ANKRD42: variants seen among roughly 807,000 people sequenced by gnomAD.
The protein encoded by ANKRD42 is ankyrin repeat domain-containing protein 42.
ANKRD42 carries 43 observed loss-of-function variants against 51.5 expected under a neutral mutation model. The observed-to-expected ratio is 0.83, with a 90% CI of 0.65 to 1.08. The LOEUF (loss-of-function observed/expected upper bound fraction) is 1.08, where lower values mean the gene tolerates loss of function less well. Among genes scored for constraint, ANKRD42 ranks in the 50% least tolerant of loss-of-function variants. The pLI is 0.00. For missense variants in ANKRD42, 608 were observed against 629.3 expected (o/e 0.97, Z 0.36); for synonymous variants, 203 against 213.0 (o/e 0.95, Z 0.41).
intron 5 of ANKRD42, among the ~76,000 whole-genome samples, chr11:83,216,149 A>G (rs184840791): frequency 5.9e-5 from 9 of 152,166 alleles, no homozygotes; most frequent in African/African-American, 1.4e-4. Flanking sequence ...AGCTATTATT[A>G]TTGTTGTTAG....
intron 8 of ANKRD42, among the ~76,000 whole-genome samples, chr11:83,238,875 G>A (rs895098238): frequency 1.4e-4 from 21 of 151,712 alleles, no homozygotes; most frequent in African/African-American, 3.4e-4. Context: ...GTGTGGTGGC[G>A]TGCACCTGTA....
intron 5 of ANKRD42, among the ~76,000 whole-genome samples, chr11:83,222,769 T>C (rs569950260): frequency 6.6e-6 from 1 of 152,284 alleles, no homozygotes; most frequent in Admixed American, 6.5e-5. Flanking sequence ...AGAGGGTTTG[T>C]TTGTTTTTTC....
At chr11:83,249,069 G>A, downstream of ANKRD42, 1 of 838,140 alleles carries the variant, frequency 1.2e-6, no homozygotes, top group South Asian at 5.5e-5. Context: ...TCATGTGTTG[G>A]TTAGAGGGCT....
At chr11:83,242,165 A>G (rs1863404953) in intron 9 of ANKRD42, among the ~76,000 whole-genome samples, 1 of 152,164 alleles carries the variant, frequency 6.6e-6, no homozygotes, top group Admixed American at 6.5e-5. Flanking sequence ...ATTCCCTTTA[A>G]GCAATATTTA....
At chr11:83,230,417 T>C (rs1863032453) in intron 7 of ANKRD42, among the ~76,000 whole-genome samples, 1 of 152,066 alleles carries the variant, frequency 6.6e-6, no homozygotes, top group Non-Finnish European at 1.5e-5. Context: ...CTACTACCTT[T>C]CCCAACCTCT....
rs771182399 is a variant in ANKRD42 at position 83,210,163 on chromosome 11, C to T, written c.331-137C>T. On this transcript the variant is annotated intron_variant, in intron 3 of 10. Transcript: ENST00000533342. ...TAGCTGAGAATTTCTTATGTTTTGC[C>T]TGTAGCACATATGTAAGAACATACA... 2.4e-4 allele frequency: 184 copies of T among 766,942 alleles called. 1 individual carries two copies. The highest frequency in any genetic ancestry group is 3.4e-4 in the Non-Finnish European group (173 of 511,984). The allele number at this position is 766,942 out of a possible 1,614,324, so 47.5% of individuals were successfully genotyped here.
rs142599914 is a variant in ANKRD42, at chr11:83,240,887, C to G, written c.1148C>G (p.Ala383Gly). ...IRHGVEGSTD[A>G]KDDLCLSDLD... ...CATGGTGTTGAGGGAAGCACTGATG[C>G]CAAGGATGATTTATGTCTGAGTGAC... Residue 383 changes from alanine (A) to glycine (G), a missense_variant, in exon 9 of 11, where the codon GCC becomes GGC. Coordinates refer to ENST00000533342, the MANE Select transcript of ANKRD42 (RefSeq NM_001300975.2). 4.8e-4 allele frequency: 773 copies of G among 1,613,926 alleles called. 1 individual carries two copies. In the African/African-American group the frequency reaches 8.6e-3, roughly 18 times the overall value.
At chr11:83,226,389 T>C (rs906467159) in intron 6 of ANKRD42, among the ~76,000 whole-genome samples, 1 of 152,252 alleles carries the variant, frequency 6.6e-6, no homozygotes, top group African/African-American at 2.4e-5. Context: ...TGCATTGTTT[T>C]GTCTTTTTTA....
downstream of ANKRD42, chr11:83,260,509 A>G (rs913018811): frequency 6.6e-6 from 1 of 152,252 alleles, no homozygotes; most frequent in Admixed American, 6.5e-5. Flanking sequence ...ACAAACCAGC[A>G]GTTAGATTTT....
downstream of ANKRD42, chr11:83,261,749 ACAG>A (rs1863935956): frequency 1.8e-6 from 1 of 544,054 alleles, no homozygotes; most frequent in South Asian, 2.8e-5. Context: ...CAATAAAGAC[ACAG>A]TATCTCTTCT....
In ANKRD42 at chr11:83,245,632, C is replaced by T; in HGVS notation, c.1322+8C>T. 3 of 1,527,478 alleles carry T rather than the reference C, an allele frequency of 2.0e-6. No individual in the cohort carries two copies. Among genetic ancestry groups the T allele is most frequent in the African/African-American group, 1.4e-5 (1 of 72,374 alleles). The allele number at this position is 1,527,478 out of a possible 1,614,324, so 94.6% of individuals were successfully genotyped here. ...ACAGCTTGAGTCTGAAAAGTAATGTCCTTAAAACTTTAATGATTTGTTTTT... is the reference window on the plus strand; with the variant it reads ...ACAGCTTGAGTCTGAAAAGTAATGTTCTTAAAACTTTAATGATTTGTTTTT... On this transcript the variant is annotated splice_region_variant and intron_variant, in intron 10 of 10. Transcript: ENST00000533342.
chr11:83,202,988 A>ATTTTTTT (rs750379636), intron 2 of ANKRD42, among the ~76,000 whole-genome samples: 2 of 118,988 alleles, frequency 1.7e-5, no homozygotes, highest in African/African-American at 6.3e-5. Flanking sequence ...TGTTGGTTGG[A>ATTTTTTT]TTTTTTTTTT....
downstream of ANKRD42, among the ~76,000 whole-genome samples, chr11:83,257,098 A>G (rs555449547): frequency 1.3e-5 from 2 of 152,104 alleles, no homozygotes; most frequent in South Asian, 4.2e-4. Context: ...AGGATAGGTG[A>G]GTCATTTTTT....
At chr11:83,212,929 A>G (rs1431263277) in intron 5 of ANKRD42, 3 of 1,492,394 alleles carry the variant, frequency 2.0e-6, no homozygotes, top group Non-Finnish European at 2.6e-6. Context: ...TAAAATTTAA[A>G]TTGAAGTCTC....
chr11:83,195,020 T>TC (rs1369731312), intron 1 of ANKRD42, among the ~76,000 whole-genome samples: 3 of 152,228 alleles, frequency 2.0e-5, no homozygotes, highest in African/African-American at 7.2e-5. Context: ...TTCCTTGACT[T>TC]CCCTGCAGCA....
At chr11:83,203,202 C>A (rs369443277) in intron 2 of ANKRD42, among the ~76,000 whole-genome samples, 1 of 151,684 alleles carries the variant, frequency 6.6e-6, no homozygotes, top group African/African-American at 2.4e-5. Context: ...ACCACGTGGG[C>A]CAGGCTGGTC....
At chr11:83,236,974 A>T (rs933922841) in intron 8 of ANKRD42, among the ~76,000 whole-genome samples, 1 of 152,242 alleles carries the variant, frequency 6.6e-6, no homozygotes, top group African/African-American at 2.4e-5. Flanking sequence ...TGCAATTTAC[A>T]TCCGAATTAA....
chr11:83,227,489 A>C (rs1275941165), intron 6 of ANKRD42, among the ~76,000 whole-genome samples: 1 of 151,204 alleles, frequency 6.6e-6, no homozygotes, highest in African/African-American at 2.4e-5. Context: ...GATATGAGAG[A>C]GAAAGAGAGT....
At chr11:83,213,717 C>A in intron 5 of ANKRD42, 1 of 253,638 alleles carries the variant, frequency 3.9e-6, no homozygotes, top group Non-Finnish European at 6.7e-6. Context: ...TGCCTATTGG[C>A]TGTTAGAGTG....
Sources: allele counts gnomAD v4.1 joint callset (sites outside exome capture counted in the v4.1 genomes callset), GRCh38; gene constraint gnomAD v4.1.1; transcripts MANE v1.5; gene names NCBI Gene and HGNC (gene_info 2026-07-23, HGNC 2026-07-21).